The following BCAR3 variants were observed in gnomAD, a reference collection of about 807,000 sequenced individuals.
BCAR3 encodes BCAR3 adaptor protein, NSP family member.
In BCAR3, 37 loss-of-function variants were observed where a neutral mutation model predicts 80.1. That is an observed-to-expected ratio of 0.46 (90% CI 0.36 to 0.61). The LOEUF (loss-of-function observed/expected upper bound fraction) is 0.61, where lower values mean the gene tolerates loss of function less well. Among genes scored for constraint, BCAR3 ranks in the 20% least tolerant of loss-of-function variants. The pLI, the probability that BCAR3 is intolerant of heterozygous loss-of-function variation, is 0.00. For synonymous variants in BCAR3, 389 were observed against 418.9 expected (o/e 0.93, Z 0.87); for missense variants, 978 against 1,068.2 (o/e 0.92, Z 1.18).
chr1:93,709,432 T>C (rs1557662055), intron 2 of BCAR3, among the ~76,000 whole-genome samples: 1 of 152,248 alleles, frequency 6.6e-6, no homozygotes, highest in Non-Finnish European at 1.5e-5. Context: ...CAAGCACTGA[T>C]GTTCTGACAA....
chr1:93,656,738 G>C (rs1464490353), intron 2 of BCAR3, among the ~76,000 whole-genome samples: 1 of 151,840 alleles, frequency 6.6e-6, no homozygotes, highest in African/African-American at 2.4e-5. Flanking sequence ...TGAATAGCTA[G>C]GACTACAGGC....
chr1:93,762,011 G>A (rs1337458793), intron 2 of BCAR3, among the ~76,000 whole-genome samples: 1 of 152,160 alleles, frequency 6.6e-6, no homozygotes, highest in African/African-American at 2.4e-5. Flanking sequence ...TGCAAGAGTT[G>A]GGATCATGGT....
chr1:93,783,988 A>G (rs1031670770), intron 2 of BCAR3, among the ~76,000 whole-genome samples: 1 of 152,174 alleles, frequency 6.6e-6, no homozygotes, highest in Non-Finnish European at 1.5e-5. Flanking sequence ...GAACTCATCC[A>G]CCATTTTGTG....
intron 3 of BCAR3, among the ~76,000 whole-genome samples, chr1:93,615,148 G>A (rs1008465374): frequency 2.6e-5 from 4 of 151,908 alleles, no homozygotes; most frequent in African/African-American, 9.7e-5. Context: ...ACTTCACACA[G>A]GCAGAAACTT....
At chr1:93,780,775 T>A (rs1002809733) in intron 2 of BCAR3, among the ~76,000 whole-genome samples, 1 of 152,188 alleles carries the variant, frequency 6.6e-6, no homozygotes, top group African/African-American at 2.4e-5. Flanking sequence ...ATTACTAAAT[T>A]TACTAAGAAG....
chr1:93,783,267 TC>T (rs1359791796), intron 2 of BCAR3, among the ~76,000 whole-genome samples: 5 of 152,210 alleles, frequency 3.3e-5, no homozygotes, highest in Non-Finnish European at 7.3e-5. Context: ...TAGGGGGCTT[TC>T]CTGTAGGATA....
intron 2 of BCAR3, among the ~76,000 whole-genome samples, chr1:93,711,120 G>A (rs1650005870): frequency 6.6e-6 from 1 of 152,196 alleles, no homozygotes; most frequent in African/African-American, 2.4e-5. Flanking sequence ...AATAGAAGCT[G>A]CAGGCTTTTG....
chr1:93,615,568 C>A (rs1345817420), intron 3 of BCAR3, among the ~76,000 whole-genome samples: 3 of 152,202 alleles, frequency 2.0e-5, no homozygotes, highest in Non-Finnish European at 4.4e-5. Context: ...TAGAAGGAAG[C>A]ACCAAGGTGG....
chr1:93,567,974 G>T, intron 9 of BCAR3, 123 bp from the exon 10 acceptor site: 1 of 703,940 alleles, frequency 1.4e-6, no homozygotes. Flanking sequence ...ATCACTTGAG[G>T]TCAGGAGTTC....
At chr1:93,660,589 G>A (rs1031890301) in intron 2 of BCAR3, among the ~76,000 whole-genome samples, 6 of 152,202 alleles carry the variant, frequency 3.9e-5, no homozygotes, top group Admixed American at 2.6e-4. Context: ...TAGATTAGCA[G>A]GTTATTTACT....
intron 2 of BCAR3, among the ~76,000 whole-genome samples, chr1:93,750,070 A>C (rs1651505339): frequency 6.6e-6 from 1 of 152,210 alleles, no homozygotes; most frequent in Admixed American, 6.5e-5. Context: ...CACCAGACCA[A>C]AGAATCTAAA....
intron 2 of BCAR3, among the ~76,000 whole-genome samples, chr1:93,662,856 C>G (rs1571020524): frequency 6.6e-6 from 1 of 152,108 alleles, no homozygotes; most frequent in African/African-American, 2.4e-5. Context: ...TTCCTGAGAT[C>G]GATGTCAAGC....
chr1:93,566,241 G>A (rs1056319688), intron 11 of BCAR3, among the ~76,000 whole-genome samples: 1 of 151,984 alleles, frequency 6.6e-6, no homozygotes, highest in African/African-American at 2.4e-5. Flanking sequence ...CCTTTGCTTG[G>A]GTTGTGCCAT....
At chr1:93,800,393 G>A (rs942184483) in intron 2 of BCAR3, among the ~76,000 whole-genome samples, 5 of 152,088 alleles carry the variant, frequency 3.3e-5, no homozygotes, top group Admixed American at 3.3e-4. Flanking sequence ...GGCCAACATG[G>A]TGAAACCCTG....
chr1:93,773,763 T>C (rs1477606534), intron 2 of BCAR3, among the ~76,000 whole-genome samples: 3 of 152,106 alleles, frequency 2.0e-5, no homozygotes, highest in Non-Finnish European at 4.4e-5. Context: ...CCACCACACC[T>C]CCATTAGCTC....
chr1:93,666,404 A>G (rs1647914689), intron 2 of BCAR3, among the ~76,000 whole-genome samples: 1 of 152,190 alleles, frequency 6.6e-6, no homozygotes, highest in African/African-American at 2.4e-5. Flanking sequence ...AAATCTTCAA[A>G]TTCCCATGCC....
At chr1:93,693,973 G>A (rs12047596) in intron 3 of BCAR3, among the ~76,000 whole-genome samples, 3 of 152,282 alleles carry the variant, frequency 2.0e-5, no homozygotes, top group African/African-American at 4.8e-5. Flanking sequence ...TAATCCTCAC[G>A]ACAGCTCTTT....
chr1:93,584,209 CAAAA>C (rs1250327038), intron 5 of BCAR3, 88 bp from the exon 6 acceptor site: 15 of 1,194,720 alleles, frequency 1.3e-5, no homozygotes, highest in Middle Eastern at 2.0e-4. Context: ...TAAACAAAAA[CAAAA>C]AAAAAGAAAA....
chr1:93,729,382 T>C (rs1650705849), intron 2 of BCAR3, among the ~76,000 whole-genome samples: 1 of 152,206 alleles, frequency 6.6e-6, no homozygotes, highest in South Asian at 2.1e-4. Flanking sequence ...TATTAAATAC[T>C]GTACTGAAAG....
Sources: allele counts gnomAD v4.1 joint callset (sites outside exome capture counted in the v4.1 genomes callset), GRCh38; gene constraint gnomAD v4.1.1; transcripts MANE v1.5; gene names NCBI Gene and HGNC (gene_info 2026-07-23, HGNC 2026-07-21).